The following PDZD9 variants were observed in gnomAD, a reference collection of about 807,000 sequenced individuals.
The protein encoded by PDZD9 is PDZ domain-containing protein 9.
A neutral mutation model predicts 16.3 loss-of-function variants in PDZD9; 13 were observed. That is an observed-to-expected ratio of 0.80 (90% CI 0.52 to 1.27). The LOEUF (loss-of-function observed/expected upper bound fraction) is 1.27, where lower values mean the gene tolerates loss of function less well. Among genes scored for constraint, PDZD9 ranks in the 50% most tolerant of loss-of-function variants. The pLI is 0.00. For synonymous variants in PDZD9, 120 were observed against 111.0 expected, an observed-to-expected ratio of 1.08 and a Z score of -0.51; for missense variants, 288 against 310.9, an observed-to-expected ratio of 0.93 and a Z score of 0.55.
intron 2 of PDZD9, among the ~76,000 whole-genome samples, chr16:21,992,697 C>G (rs1408685581): frequency 1.3e-5 from 2 of 152,170 alleles, no homozygotes; most frequent in African/African-American, 4.8e-5. Flanking sequence ...CAGGGTTTCT[C>G]AGGCCTTCAG....
intron 3 of PDZD9, among the ~76,000 whole-genome samples, chr16:21,984,968 A>G (rs1413431085): frequency 1.3e-5 from 2 of 152,218 alleles, no homozygotes; most frequent in Non-Finnish European, 2.9e-5. Context: ...CACTGCAGCT[A>G]AAGTGACGGA....
the PDZD9 span, among the ~76,000 whole-genome samples, chr16:21,974,173 G>A: frequency 2.0e-5 from 3 of 152,316 alleles, no homozygotes; most frequent in East Asian, 3.9e-4. Flanking sequence ...CAGGAAAGAG[G>A]AGAGAATTGC....
the PDZD9 span, among the ~76,000 whole-genome samples, chr16:21,978,047 AT>A: frequency 6.6e-6 from 1 of 152,194 alleles, no homozygotes; most frequent in African/African-American, 2.4e-5. Context: ...AAGAAAACGT[AT>A]TTTCTTAATA....
chr16:21,961,380 C>T, the PDZD9 span: 10 of 426,138 alleles, frequency 2.3e-5, no homozygotes, highest in Admixed American at 5.0e-5. Context: ...ACAGCCATTA[C>T]GGAATGAACT....
chr16:22,000,246 T>C (rs560647907), intron 1 of PDZD9, among the ~76,000 whole-genome samples: 8 of 152,158 alleles, frequency 5.3e-5, no homozygotes, highest in Non-Finnish European at 1.2e-4. Flanking sequence ...TTAAGATTTA[T>C]GTGCCCTTTT....
chr16:21,982,204 G>A (rs543628560), downstream of PDZD9, among the ~76,000 whole-genome samples: 6 of 152,018 alleles, frequency 3.9e-5, no homozygotes, highest in South Asian at 6.3e-4. Flanking sequence ...GTCCCAACCC[G>A]ACTGCTTCCA....
At chr16:21,983,231 C>A (rs1280383974), downstream of PDZD9, 1 of 1,476,080 alleles carries the variant, frequency 6.8e-7, no homozygotes, top group South Asian at 1.2e-5. Flanking sequence ...GCAGCAAACA[C>A]ATGAAAGTCA....
In PDZD9 at chr16:21,984,381, C is replaced by T. The variant is rs765957617; in HGVS notation, c.681G>A (p.Lys227=). 5 of 1,614,166 alleles carry T rather than the reference C, an allele frequency of 3.1e-6. No homozygotes were observed. Among genetic ancestry groups the T allele is most frequent in the Non-Finnish European group, 4.2e-6 (5 of 1,180,016 alleles). ...AGGAGGAAGAGCTTTCATTGTCTTG[C>T]TTCACCATTATCCAGTATGGAGAAG... ...RAPSPYWIMV[K]QDNESSSSST... Residue 227 remains lysine (K), a synonymous_variant, in exon 4 of 4, where the codon AAG becomes AAA. Transcript: ENST00000424898.
At chr16:21,983,342 G>T, downstream of PDZD9, 1 of 553,128 alleles carries the variant, frequency 1.8e-6, no homozygotes, top group African/African-American at 1.9e-5. Context: ...AAAACATTCT[G>T]TTTAAGTGTT....
chr16:21,973,919 C>T, the PDZD9 span: 1 of 1,612,946 alleles, frequency 6.2e-7, no homozygotes, highest in Non-Finnish European at 8.5e-7. Context: ...ATGCCAGTTA[C>T]TCAGATTCTG....
intron 2 of PDZD9, among the ~76,000 whole-genome samples, chr16:21,992,025 G>A (rs8043580): frequency 0.96 from 146,922 of 152,252 alleles, 71,273 homozygotes; most frequent in Middle Eastern, 0.99. Context: ...CTACGCCTCT[G>A]TATTTCATTA....
chr16:21,967,361 T>C, the PDZD9 span, among the ~76,000 whole-genome samples: 4 of 152,210 alleles, frequency 2.6e-5, no homozygotes, highest in Non-Finnish European at 4.4e-5. Context: ...GCCATTTTTT[T>C]CTAAACCTCT....
At chr16:21,958,611 A>C in the PDZD9 span, 2 of 1,605,484 alleles carry the variant, frequency 1.2e-6, no homozygotes, top group South Asian at 2.2e-5. Flanking sequence ...TTTGTTAAAT[A>C]AGTAATAGAA....
At chr16:21,982,844 A>G (rs547585129), downstream of PDZD9, among the ~76,000 whole-genome samples, 1 of 152,146 alleles carries the variant, frequency 6.6e-6, no homozygotes, top group Admixed American at 6.5e-5. Flanking sequence ...ACATGCCTGT[A>G]ATCCCAGCTC....
rs557327509 is a variant in PDZD9 at position 21,987,242 on chromosome 16, A to C, written c.401+1360T>G. Among the ~76,000 whole-genome samples the C allele has an allele frequency of 3.9e-5, 6 of 152,276 alleles. No individual in the cohort carries two copies. The East Asian group carries it at 1.2e-3, about 29-fold the overall frequency. ...CGAAACCAGCCTGGCCAACGTGGTG[A>C]AACTTCGTCTCTATTAAAAATACAA... On this transcript the variant is annotated intron_variant, in intron 3 of 3. Transcript: ENST00000424898.
At chr16:21,996,270 C>A in intron 2 of PDZD9, 52 bp downstream of exon 2, 1 of 1,484,170 alleles carries the variant, frequency 6.7e-7, no homozygotes, top group Non-Finnish European at 9.0e-7. Flanking sequence ...AGTCACCCTG[C>A]AGGCAGATGG....
the PDZD9 span, chr16:21,976,319 A>G: frequency 7.9e-7 from 1 of 1,266,214 alleles, no homozygotes; most frequent in Non-Finnish European, 1.1e-6. Flanking sequence ...TAACAATATT[A>G]CAATCTATGC....
chr16:21,995,181 G>T, intron 2 of PDZD9: 2 of 454,152 alleles, frequency 4.4e-6, no homozygotes, highest in South Asian at 3.1e-5. Context: ...TTGTTTAAAC[G>T]TGTGTAGCAC....
chr16:21,973,576 T>C, the PDZD9 span, among the ~76,000 whole-genome samples: 2 of 152,184 alleles, frequency 1.3e-5, no homozygotes, highest in Non-Finnish European at 2.9e-5. Context: ...CCAAAGCCTA[T>C]CTATATTATA....
Sources: allele counts gnomAD v4.1 joint callset (sites outside exome capture counted in the v4.1 genomes callset), GRCh38; gene constraint gnomAD v4.1.1; transcripts MANE v1.5; gene names NCBI Gene and HGNC (gene_info 2026-07-23, HGNC 2026-07-21).